The following HORMAD2 variants were observed in gnomAD, a reference collection of about 807,000 sequenced individuals.
HORMAD2 encodes HORMA domain containing 2.
A neutral mutation model predicts 38.8 loss-of-function variants in HORMAD2; 45 were observed. The observed-to-expected ratio is 1.16, with a 90% CI of 0.91 to 1.49. HORMAD2 has a LOEUF of 1.49. HORMAD2 is among the 40% of genes most tolerant of loss of function. The pLI is 0.00. For synonymous variants in HORMAD2, 126 were observed against 122.8 expected (o/e 1.03, Z -0.17); for missense variants, 338 against 367.0 (o/e 0.92, Z 0.65).
At chr22:30,084,483 G>T (rs182177901) in intron 1 of HORMAD2, among the ~76,000 whole-genome samples, 14 of 152,040 alleles carry the variant, frequency 9.2e-5, no homozygotes, top group Admixed American at 8.5e-4. Context: ...ATGAACTTTG[G>T]GATACACATT....
chr22:30,181,195 G>A (rs1926702620), downstream of HORMAD2, among the ~76,000 whole-genome samples: 1 of 151,690 alleles, frequency 6.6e-6, no homozygotes, highest in African/African-American at 2.4e-5. Flanking sequence ...TGTGTTTTTT[G>A]TAGAGACGGG....
intron 7 of HORMAD2, among the ~76,000 whole-genome samples, chr22:30,114,227 T>G (rs768904577): frequency 6.6e-6 from 1 of 152,210 alleles, no homozygotes; most frequent in Non-Finnish European, 1.5e-5. Flanking sequence ...AAAAATATTT[T>G]GAATGTTTAC....
intron 1 of HORMAD2, among the ~76,000 whole-genome samples, chr22:30,090,661 A>G (rs556586688): frequency 1.7e-4 from 26 of 152,182 alleles, no homozygotes; most frequent in Non-Finnish European, 3.5e-4. Flanking sequence ...CCCACCAGCA[A>G]TGCATAAGGG....
the HORMAD2 span, among the ~76,000 whole-genome samples, chr22:30,200,338 C>G: frequency 1.3e-5 from 2 of 152,080 alleles, no homozygotes; most frequent in Non-Finnish European, 2.9e-5. Context: ...TCCCATGTAA[C>G]AATGGCTATA....
chr22:30,141,218 A>C (rs1190503978), intron 10 of HORMAD2, among the ~76,000 whole-genome samples: 1 of 151,906 alleles, frequency 6.6e-6, no homozygotes, highest in Non-Finnish European at 1.5e-5. Flanking sequence ...GGCTTGTCTC[A>C]AACTCCTGAC....
chr22:30,168,883 C>A (rs1925942389), intron 10 of HORMAD2, among the ~76,000 whole-genome samples: 1 of 152,150 alleles, frequency 6.6e-6, no homozygotes, highest in Admixed American at 6.6e-5. Flanking sequence ...CAGACCTACT[C>A]TTGGAACCCT....
At chr22:30,121,928 C>T in intron 9 of HORMAD2, 36 bp from the exon 10 acceptor site, 1 of 1,590,332 alleles carries the variant, frequency 6.3e-7, no homozygotes, top group Non-Finnish European at 8.6e-7. Context: ...TATTGAAACT[C>T]AGTTTTCATG....
intron 10 of HORMAD2, among the ~76,000 whole-genome samples, chr22:30,135,611 C>A (rs1171980834): frequency 6.6e-6 from 1 of 152,074 alleles, no homozygotes; most frequent in Non-Finnish European, 1.5e-5. Context: ...AGAAAACTGG[C>A]AACTTAACAA....
rs140415801 is a variant in HORMAD2 at position 30,127,848 on chromosome 22, C to A, written c.819+5634C>A. The stretch of plus-strand genomic sequence containing the variant: ...CCATCACTTTTCTAAGCAACCCAAC[C>A]AGGAATATGTTCAACTGTTATTTTC... On this transcript the variant is annotated intron_variant, in intron 10 of 10. Transcript: ENST00000336726. Among the ~76,000 whole-genome samples the A allele has an allele frequency of 6.6e-5, 10 of 152,316 alleles. No individual in the cohort carries two copies. The East Asian group carries it at 1.9e-3, about 29-fold the overall frequency.
At position 30,098,967 on chromosome 22, in the gene HORMAD2, G is replaced by C. The variant is rs773204029; in HGVS notation, c.167G>C (p.Ser56Thr). ...TACCTAAGGGGCCTGTTTCCAGAGAGCTCTTATGGAGAACGCCATTTGGAT... is the reference window on the plus strand; with the variant it reads ...TACCTAAGGGGCCTGTTTCCAGAGACCTCTTATGGAGAACGCCATTTGGAT... ...ITYLRGLFPE[S>T]SYGERHLDDL... is the part of the protein sequence containing the mutation. The change falls in exon 3 of 11, where the codon AGC becomes ACC. Residue 56 changes from serine (S) to threonine (T), a missense_variant. Coordinates refer to ENST00000336726, the MANE Select transcript of HORMAD2 (RefSeq NM_152510.4). The C allele has an allele frequency of 6.2e-7, 1 of 1,611,370 alleles. No homozygotes were observed.
intron 10 of HORMAD2, among the ~76,000 whole-genome samples, chr22:30,168,004 A>G (rs180778731): frequency 2.0e-5 from 3 of 152,322 alleles, no homozygotes; most frequent in African/African-American, 7.2e-5. Context: ...AATAAATGAC[A>G]TAACATATGT....
chr22:30,203,323 A>T, the HORMAD2 span, among the ~76,000 whole-genome samples: 1 of 148,920 alleles, frequency 6.7e-6, no homozygotes, highest in African/African-American at 2.5e-5. Flanking sequence ...TGAACCCAGG[A>T]GGCAGAGGTT....
the HORMAD2 span, among the ~76,000 whole-genome samples, chr22:30,191,093 C>G: frequency 2.0e-5 from 3 of 152,234 alleles, no homozygotes; most frequent in African/African-American, 7.2e-5. Context: ...ATTTTTCTTT[C>G]CCTGCTCTGA....
chr22:30,103,500 GGTAA>G lies in HORMAD2; in HGVS notation c.257+5_257+8del, dbSNP rs752947634. ...CCCGGGTCACTGCATATTATCAGAT[GGTAA>G]GTAATAGAAATTCTATAAAAGTTGA... On this transcript the variant is annotated splice_donor_variant and splice_donor_region_variant and intron_variant, in intron 4 of 10. Coordinates refer to ENST00000336726, the MANE Select transcript of HORMAD2 (RefSeq NM_152510.4). LOFTEE classifies it high-confidence loss of function. 1.4e-6 allele frequency: 2 copies of G among 1,463,372 alleles called. No homozygotes were observed. Among genetic ancestry groups the G allele is most frequent in the African/African-American group, 1.4e-5 (1 of 70,746 alleles). 90.6% of individuals were successfully genotyped at this position (1,463,372 alleles called of 1,614,324 possible).
At chr22:30,123,483 C>T (rs951795560) in intron 10 of HORMAD2, among the ~76,000 whole-genome samples, 1 of 151,960 alleles carries the variant, frequency 6.6e-6, no homozygotes, top group Non-Finnish European at 1.5e-5. Context: ...CACATGCCAC[C>T]ACACCTGGCT....
intron 2 of HORMAD2, among the ~76,000 whole-genome samples, chr22:30,098,634 T>G (rs1421245478): frequency 6.6e-6 from 1 of 152,180 alleles, no homozygotes; most frequent in East Asian, 1.9e-4. Flanking sequence ...ATTGTTTTAG[T>G]CTTGAATTAC....
intron 10 of HORMAD2, among the ~76,000 whole-genome samples, chr22:30,143,844 T>C (rs1924242943): frequency 6.6e-6 from 1 of 152,124 alleles, no homozygotes; most frequent in South Asian, 2.1e-4. Flanking sequence ...CTTGTAATGG[T>C]GAGTTCTTGC....
chr22:30,141,784 A>T (rs989755864), intron 10 of HORMAD2, among the ~76,000 whole-genome samples: 4 of 151,962 alleles, frequency 2.6e-5, no homozygotes, highest in South Asian at 2.1e-4. Flanking sequence ...TTTAATAGAG[A>T]TGGGGTTTAA....
chr22:30,172,511 T>C (rs1926171212), intron 10 of HORMAD2, among the ~76,000 whole-genome samples: 1 of 152,190 alleles, frequency 6.6e-6, no homozygotes, highest in Admixed American at 6.5e-5. Flanking sequence ...TGGCTTAAAA[T>C]CAGTTTCATT....
Sources: allele counts gnomAD v4.1 joint callset (sites outside exome capture counted in the v4.1 genomes callset), GRCh38; gene constraint gnomAD v4.1.1; transcripts MANE v1.5; gene names NCBI Gene and HGNC (gene_info 2026-07-23, HGNC 2026-07-21).